RETREG1: variants seen among roughly 807,000 people sequenced by gnomAD.
The protein encoded by RETREG1 is reticulophagy regulator 1.
A neutral mutation model predicts 54.8 loss-of-function variants in RETREG1; 44 were observed. The observed-to-expected ratio is 0.80, with a 90% confidence interval of 0.63 to 1.03. The LOEUF is 1.03. RETREG1 is among the 50% of genes least tolerant of loss of function. RETREG1 has a pLI of 0.00. For missense variants in RETREG1, 554 were observed against 605.1 expected (o/e 0.92, Z 0.89); for synonymous variants, 217 against 238.5 (o/e 0.91, Z 0.83).
intron 3 of RETREG1, among the ~76,000 whole-genome samples, chr5:16,508,303 G>C (rs1740041049): frequency 6.6e-6 from 1 of 152,172 alleles, no homozygotes; most frequent in Non-Finnish European, 1.5e-5. Flanking sequence ...TCTACATTAT[G>C]TGCTGGGAAA....
chr5:16,513,498 C>G (rs1033923677), intron 3 of RETREG1, among the ~76,000 whole-genome samples: 1 of 152,182 alleles, frequency 6.6e-6, no homozygotes, highest in African/African-American at 2.4e-5. Flanking sequence ...CCAATATGTG[C>G]CTTTATTTAA....
chr5:16,603,873 G>A (rs79692737), intron 1 of RETREG1, among the ~76,000 whole-genome samples: 13 of 146,004 alleles, frequency 8.9e-5, no homozygotes, highest in Admixed American at 5.5e-4. Context: ...CCGCCACCCT[G>A]GGTCAAAAGA....
rs1741253992 is a variant in RETREG1 at position 16,541,744 on chromosome 5, GGAAGGAAGGAA to G, written c.458+24008_458+24018del. On this transcript the variant is annotated intron_variant, in intron 3 of 8. Coordinates refer to ENST00000306320, the MANE Select transcript of RETREG1 (RefSeq NM_001034850.3). ...GAAGAGAAGAGAGGGAGGGAGGGAA[GGAAGGAAGGAA>G]GGAAGGAAGGAAGGAAGGAAGGAAG... Among the ~76,000 whole-genome samples, 21 of 44,500 alleles carry G rather than the reference GGAAGGAAGGAA, an allele frequency of 4.7e-4. No homozygotes were observed. In the South Asian group the frequency reaches 5.7e-3, roughly 12 times the overall value. The allele number at this position is 44,500 out of a possible 152,430, so 29.2% of individuals were successfully genotyped here.
In RETREG1 at chr5:16,576,771, C is replaced by T. The variant is rs549793650; in HGVS notation, c.321-4669G>A. ...TGCTAGGATTACAGGCACGAGCCAC[C>T]GCGCCCGGCCAATGTTTGTATCTTT... On this transcript the variant is annotated intron_variant, in intron 1 of 8. Transcript: ENST00000306320. Among the ~76,000 whole-genome samples, 162 of 152,240 alleles carry T rather than the reference C, an allele frequency of 1.1e-3. 5 individuals are homozygous for T. The South Asian group carries it at 0.03, about 28-fold the overall frequency.
intron 3 of RETREG1, among the ~76,000 whole-genome samples, chr5:16,505,212 G>C (rs973950786): frequency 1.3e-5 from 2 of 152,166 alleles, no homozygotes; most frequent in African/African-American, 4.8e-5. Context: ...TACGGACTCA[G>C]TGGCCTTTGC....
intron 3 of RETREG1, among the ~76,000 whole-genome samples, chr5:16,559,652 A>C (rs1004638086): frequency 2.0e-5 from 3 of 152,244 alleles, no homozygotes; most frequent in Non-Finnish European, 4.4e-5. Context: ...CTATTGAAGA[A>C]ATTTTGAATG....
At chr5:16,508,789 T>G (rs33684) in intron 3 of RETREG1, 1 of 1,466,180 alleles carries the variant, frequency 6.8e-7, no homozygotes, top group Non-Finnish European at 9.0e-7. Context: ...CTCAGAAAGT[T>G]GGTGTTTACA....
chr5:16,481,557 CT>C (rs1738773680), intron 4 of RETREG1, among the ~76,000 whole-genome samples: 1 of 152,048 alleles, frequency 6.6e-6, no homozygotes, highest in African/African-American at 2.4e-5. Context: ...TTAGAGGTAT[CT>C]ACACAAATCT....
At chr5:16,492,718 T>G (rs1244005721) in intron 3 of RETREG1, among the ~76,000 whole-genome samples, 2 of 152,194 alleles carry the variant, frequency 1.3e-5, no homozygotes, top group African/African-American at 4.8e-5. Context: ...TGTTAGAATT[T>G]TTTTTAATCC....
intron 3 of RETREG1, among the ~76,000 whole-genome samples, chr5:16,487,058 G>A (rs181043499): frequency 6.6e-6 from 1 of 152,300 alleles, no homozygotes; most frequent in African/African-American, 2.4e-5. Flanking sequence ...TCCATGGTGT[G>A]TAGCTGTCTT....
chr5:16,571,162 G>C (rs1230756665), intron 2 of RETREG1, among the ~76,000 whole-genome samples: 1 of 152,186 alleles, frequency 6.6e-6, no homozygotes, highest in Non-Finnish European at 1.5e-5. Context: ...TCAGGGAGGA[G>C]ATGGGTGCCT....
chr5:16,612,310 G>A (rs1355125330), intron 1 of RETREG1, among the ~76,000 whole-genome samples: 1 of 152,014 alleles, frequency 6.6e-6, no homozygotes, highest in African/African-American at 2.4e-5. Context: ...GCATTTTATT[G>A]GTGGTAAACC....
intron 1 of RETREG1, among the ~76,000 whole-genome samples, chr5:16,583,787 C>A (rs1265089581): frequency 6.6e-6 from 1 of 152,106 alleles, no homozygotes; most frequent in Non-Finnish European, 1.5e-5. Context: ...ATGCTATCAA[C>A]AGCTAAAACA....
rs990027356 is a variant in RETREG1 at position 16,597,433 on chromosome 5, T to C, written c.320+19219A>G. Reference sequence around the variant, plus strand: ...ATTAAATCCAAAAGCATCATAAATCTTAACCCCTAACCTTGGTGCCACAAA... The same window carrying C: ...ATTAAATCCAAAAGCATCATAAATCCTAACCCCTAACCTTGGTGCCACAAA... On this transcript the variant is annotated intron_variant, in intron 1 of 8. Coordinates refer to ENST00000306320, the MANE Select transcript of RETREG1 (RefSeq NM_001034850.3). The surrounding 1 kb of genome is among the most constrained non-coding windows in gnomAD (Gnocchi z 4.3). 7.9e-5 allele frequency among the ~76,000 whole-genome samples: 12 copies of C among 152,204 alleles called. No homozygotes were observed. Among genetic ancestry groups the C allele is most frequent in the Non-Finnish European group, 1.2e-4 (8 of 68,028 alleles).
chr5:16,573,999 G>T lies in RETREG1; in HGVS notation c.321-1897C>A, dbSNP rs193271347. On this transcript the variant is annotated intron_variant, in intron 1 of 8. Transcript: ENST00000306320. ...TGACTTCAGGTGATCCGCCGGCCTT[G>T]GCCTCCCAAAGTGCTGGGATTACAG... is the stretch of plus-strand genomic sequence containing the variant. Among the ~76,000 whole-genome samples the T allele has an allele frequency of 1.2e-4, 19 of 152,296 alleles. No homozygotes were observed. The East Asian group carries it at 3.7e-3, about 29-fold the overall frequency.
intron 1 of RETREG1, among the ~76,000 whole-genome samples, chr5:16,590,866 C>T (rs1219096492): frequency 7.1e-6 from 1 of 140,598 alleles, no homozygotes. Flanking sequence ...AAAACACACA[C>T]ATGCAAACAT....
At chr5:16,516,455 T>C (rs1740359664) in intron 3 of RETREG1, among the ~76,000 whole-genome samples, 1 of 152,208 alleles carries the variant, frequency 6.6e-6, no homozygotes, top group African/African-American at 2.4e-5. Context: ...CCAGAAGAAC[T>C]TGCTTCAAAA....
intron 4 of RETREG1, among the ~76,000 whole-genome samples, chr5:16,482,069 C>T (rs578262714): frequency 1.9e-4 from 29 of 152,052 alleles, no homozygotes; most frequent in African/African-American, 6.7e-4. Context: ...TTTGATTTTT[C>T]ATTCTTCGGT....
At position 16,610,130 on chromosome 5, in the gene RETREG1, C is replaced by T. The variant is rs755589907; in HGVS notation, c.320+6522G>A. On this transcript the variant is annotated intron_variant, in intron 1 of 8. Transcript: ENST00000306320. The stretch of plus-strand genomic sequence containing the variant: ...AGCTGGGGCACCCCATTCAGGCTGG[C>T]AGAGAAGGGGTGCTTGACATCAAGT... Among the ~76,000 whole-genome samples the T allele has an allele frequency of 8.5e-5, 13 of 152,086 alleles. 1 individual carries two copies. Among genetic ancestry groups the T allele is most frequent in the Non-Finnish European group, 7.4e-5 (5 of 68,010 alleles).
Sources: allele counts gnomAD v4.1 joint callset (sites outside exome capture counted in the v4.1 genomes callset), GRCh38; gene constraint gnomAD v4.1.1; non-coding constraint Gnocchi (gnomAD v3.1); transcripts MANE v1.5; gene names NCBI Gene and HGNC (gene_info 2026-07-23, HGNC 2026-07-21).